Variants in GPSM1 observed in about 807,000 individuals in gnomAD.
GPSM1 encodes G protein-signaling modulator 1.
In GPSM1, 48 loss-of-function variants were observed where a neutral mutation model predicts 70.5. The observed-to-expected ratio is 0.68, with a 90% CI of 0.54 to 0.87. The LOEUF is 0.87. Ranked by LOEUF, GPSM1 falls within the 40% of genes least tolerant of loss-of-function variation. The pLI is 0.00. For missense variants in GPSM1, 981 were observed against 972.6 expected (o/e 1.01, Z -0.11); for synonymous variants, 416 against 430.1 (o/e 0.97, Z 0.41).
chr9:136,349,965 C>T (rs577906648), intron 11 of GPSM1, among the ~76,000 whole-genome samples: 3 of 152,334 alleles, frequency 2.0e-5, no homozygotes, highest in East Asian at 3.9e-4. Context: ...GCATTGTGGT[C>T]GCACCTGGCC....
Position 136,358,478 on chromosome 9 carries a change from C to T in GPSM1, c.*258C>T, listed in dbSNP as rs370579414. The T allele has an allele frequency of 1.8e-5, 10 of 550,094 alleles. No homozygotes were observed. Among genetic ancestry groups the T allele is most frequent in the African/African-American group, 4.0e-5 (2 of 49,654 alleles). 34.1% of individuals were successfully genotyped at this position (550,094 alleles called of 1,614,324 possible). Reference sequence around the variant, plus strand: ...AGGCCGGACGGGGCCTTCGGCATGTCGGCCCCGACCTGGTGCTGTCAGACT... The same window carrying T: ...AGGCCGGACGGGGCCTTCGGCATGTTGGCCCCGACCTGGTGCTGTCAGACT... On this transcript the variant is annotated 3_prime_UTR_variant, in exon 14 of 14. Transcript: ENST00000440944.
chr9:136,353,062 T>C (rs1832714711), intron 11 of GPSM1: 1 of 984,204 alleles, frequency 1.0e-6, no homozygotes, highest in South Asian at 4.7e-5. Context: ...GGCAGGGCGG[T>C]GGTGGCCCTG....
At chr9:136,329,868 CCCCTGGGTGCTGGGTCGGTGGGGACGGGG>C (rs1564339048) in intron 1 of GPSM1, among the ~76,000 whole-genome samples, 40 of 135,694 alleles carry the variant, frequency 2.9e-4, no homozygotes, top group Admixed American at 9.4e-4. Flanking sequence ...TGGGGACGGG[CCCCTGGGTGCTGGGTCGGTGGGGACGGGG>C]CCCTGGGTGC....
chr9:136,331,015 T>A (rs1017280795), intron 1 of GPSM1, among the ~76,000 whole-genome samples: 1 of 152,094 alleles, frequency 6.6e-6, no homozygotes, highest in Non-Finnish European at 1.5e-5. Context: ...CACCTGTCCT[T>A]GGATTCCTGC....
chr9:136,341,432 A>T lies in GPSM1; in HGVS notation c.1207+439A>T, dbSNP rs1301624234. On this transcript the variant is annotated intron_variant, in intron 9 of 13. Transcript: ENST00000440944. The surrounding 1 kb of genome is among the most constrained non-coding windows in gnomAD (Gnocchi z 6.7). ...TATGTGCCTGGGGCAGTAATCAGGC[A>T]AGGCCCAAGGCCATGCGAGGCCACC... is the stretch of plus-strand genomic sequence containing the variant. The T allele has an allele frequency of 7.2e-7, 1 of 1,398,350 alleles. No homozygotes were observed. The highest frequency in any genetic ancestry group is 9.3e-7 in the Non-Finnish European group (1 of 1,080,574). 86.6% of individuals were successfully genotyped at this position (1,398,350 alleles called of 1,614,324 possible).
intron 12 of GPSM1, 38 bp from the exon 13 acceptor site, chr9:136,356,304 G>A (rs1246388775): frequency 1.6e-5 from 23 of 1,449,940 alleles, no homozygotes; most frequent in African/African-American, 5.7e-5. Flanking sequence ...GCTTGACCCC[G>A]CACTGGGTCC....
rs550822878 is a variant in GPSM1, at chr9:136,354,799, C to T, written c.1456-891C>T. The T allele has an allele frequency of 3.8e-4, 378 of 985,414 alleles. 1 individual carries two copies. Among genetic ancestry groups the T allele is most frequent in the Admixed American group, 4.3e-4 (7 of 16,266 alleles). The allele number at this position is 985,414 out of a possible 1,614,324, so 61.0% of individuals were successfully genotyped here. On this transcript the variant is annotated intron_variant, in intron 11 of 13. Coordinates refer to ENST00000440944, the MANE Select transcript of GPSM1 (RefSeq NM_001145638.3). ...TCGAGTTCATTCACACAGCAGACACCGGTGAGGGCTGTGTAGGGCATGGAC... is the reference window on the plus strand; with the variant it reads ...TCGAGTTCATTCACACAGCAGACACTGGTGAGGGCTGTGTAGGGCATGGAC...
chr9:136,358,185 G>A lies in GPSM1; in HGVS notation c.1993G>A (p.Glu665Lys), dbSNP rs1832894715. ...GPEQGAGGPP[E>K]PQQQCQPGAS ...GGAGCAGGGGGCAGGCGGCCCGCCC[G>A]AGCCCCAGCAGCAGTGCCAGCCTGG... Residue 665 changes from glutamate (E) to lysine (K), a missense_variant, in exon 14 of 14, where the codon GAG becomes AAG. By Grantham distance (56) the Glu-to-Lys change is moderately conservative. Coordinates refer to ENST00000440944, the MANE Select transcript of GPSM1 (RefSeq NM_001145638.3). 3 of 1,567,502 alleles carry A rather than the reference G, an allele frequency of 1.9e-6. No homozygotes were observed. The highest frequency in any genetic ancestry group is 1.4e-5 in the African/African-American group (1 of 73,852).
chr9:136,338,519 C>T, intron 6 of GPSM1, 36 bp from the exon 7 acceptor site: 1 of 1,585,776 alleles, frequency 6.3e-7, no homozygotes, highest in East Asian at 2.3e-5. Context: ...ACCCTGGAGC[C>T]CTCCTCCTGG....
At chr9:136,333,104 G>A (rs60574617) in intron 1 of GPSM1, among the ~76,000 whole-genome samples, 2,255 of 152,348 alleles carry the variant, frequency 0.015, 63 homozygotes, top group African/African-American at 0.052. Flanking sequence ...AAGCAGCCGA[G>A]GCTGAACCCT....
rs781980488 is a variant in GPSM1, at chr9:136,337,846, C to A, written c.703C>A (p.Arg235Ser). 6 of 1,607,620 alleles carry A rather than the reference C, an allele frequency of 3.7e-6. No individual in the cohort carries two copies. Among genetic ancestry groups the A allele is most frequent in the Non-Finnish European group, 5.1e-6 (6 of 1,175,360 alleles). The change falls in exon 6 of 14, where the codon CGC becomes AGC. Residue 235 changes from arginine (R) to serine (S), a missense_variant and splice_region_variant. By Grantham distance (110) the Arg-to-Ser change is moderately radical (BLOSUM62 -1). Coordinates refer to ENST00000440944, the MANE Select transcript of GPSM1 (RefSeq NM_001145638.3). ...CCTGGCCTCCGGTGTGTCTCCGCAG[C>A]GCCTGGCCATTGCTAAGGAGTTTGG... ...FTEATTFHKE[R>S]LAIAKEFGDK...
rs1355977484 is a variant in GPSM1 at position 136,342,525 on chromosome 9, G to A, written c.1207+1532G>A. ...GGGGAAGGGTCCTCCTCCCCGCCCA[G>A]GGCAGCCCGGCAGCCTGGCTGGGGC... On this transcript the variant is annotated intron_variant, in intron 9 of 13. Transcript: ENST00000440944. This position sits in a 1 kb window ranked among gnomAD's most constrained non-coding sequence, Gnocchi z 5.5. Among the ~76,000 whole-genome samples the A allele has an allele frequency of 6.6e-6, 1 of 152,024 alleles. No homozygotes were observed. The highest frequency in any genetic ancestry group is 1.5e-5 in the Non-Finnish European group (1 of 67,984).
chr9:136,340,983 T>C lies in GPSM1; in HGVS notation c.1197T>C (p.Tyr399=). 6.4e-7 allele frequency: 1 copy of C among 1,566,660 alleles called. No individual in the cohort carries two copies. Among genetic ancestry groups the C allele is most frequent in the Non-Finnish European group, 8.6e-7 (1 of 1,156,224 alleles). The change falls in exon 9 of 14, where the codon TAT becomes TAC. Residue 399 remains tyrosine, a synonymous_variant. Transcript: ENST00000440944. This position sits in a 1 kb window ranked among gnomAD's most constrained non-coding sequence, Gnocchi z 7.3. ...CAGAGAAGCCTGACCTGGCCGGCTA[T>C]GAGGCCCAGGGTGAGTTCCAGGGTT... The part of the protein sequence containing the change: ...AASEKPDLAG[Y]EAQGARPKRT...
chr9:136,329,752 GC>G (rs1832058682), intron 1 of GPSM1, among the ~76,000 whole-genome samples: 1 of 152,180 alleles, frequency 6.6e-6, no homozygotes, highest in African/African-American at 2.4e-5. Context: ...CCATGAATGT[GC>G]CCATGAGCCC....
rs546790913 is a variant in GPSM1, at chr9:136,348,234, G to A, written c.1208-463G>A. The stretch of plus-strand genomic sequence containing the variant: ...TCCCCGACCCTGGCCTGGGCTGCCC[G>A]CAGTGAGCTGGGAGTGGACCCACAG... On this transcript the variant is annotated intron_variant, in intron 9 of 13. Coordinates refer to ENST00000440944, the MANE Select transcript of GPSM1 (RefSeq NM_001145638.3). Among the ~76,000 whole-genome samples the A allele has an allele frequency of 1.6e-3, 242 of 152,282 alleles. 5 individuals are homozygous for A. The South Asian group carries it at 0.038, about 24-fold the overall frequency.
intron 1 of GPSM1, among the ~76,000 whole-genome samples, chr9:136,333,287 TC>T (rs1482264056): frequency 6.6e-5 from 10 of 151,974 alleles, no homozygotes; most frequent in African/African-American, 2.2e-4. Flanking sequence ...GGGTGTGTCC[TC>T]CCCCCGCGAC....
chr9:136,328,681 A>T (rs536835574), intron 1 of GPSM1, among the ~76,000 whole-genome samples: 18 of 152,336 alleles, frequency 1.2e-4, no homozygotes, highest in South Asian at 2.1e-4. Flanking sequence ...TGGTGGCGGC[A>T]CGGCGGACAG....
At chr9:136,347,151 T>C (rs1832542576) in intron 9 of GPSM1, among the ~76,000 whole-genome samples, 1 of 151,136 alleles carries the variant, frequency 6.6e-6, no homozygotes, top group Non-Finnish European at 1.5e-5. Context: ...GGGGGATGAG[T>C]GCGGAGGGGA....
intron 11 of GPSM1, among the ~76,000 whole-genome samples, chr9:136,352,579 G>A (rs1197476304): frequency 6.6e-5 from 10 of 152,268 alleles, no homozygotes; most frequent in South Asian, 6.2e-4. Flanking sequence ...TGAGCTGGCC[G>A]GGAGGCCCTT....
Sources: gnomAD v4.1 joint callset for allele counts (sites outside exome capture counted in the v4.1 genomes callset) on GRCh38, gnomAD v4.1.1 for gene constraint, Gnocchi (gnomAD v3.1) non-coding constraint, MANE v1.5 for transcripts, NCBI Gene and HGNC (gene_info 2026-07-23, HGNC 2026-07-21) for gene names.